DLGAP2: variants seen among roughly 807,000 people sequenced by gnomAD.
DLGAP2 encodes disks large-associated protein 2.
A neutral mutation model predicts 100.3 loss-of-function variants in DLGAP2; 26 were observed. That is an observed-to-expected ratio of 0.26 (90% CI 0.19 to 0.36). The LOEUF (loss-of-function observed/expected upper bound fraction) is 0.36, where lower values mean the gene tolerates loss of function less well. Ranked by LOEUF, DLGAP2 falls within the 10% of genes least tolerant of loss-of-function variation. DLGAP2 has a pLI of 1.00. For missense variants in DLGAP2, 1,858 were observed against 1,453.2 expected (o/e 1.28, Z -4.53); for synonymous variants, 886 against 630.1 (o/e 1.41, Z -6.08).
At chr8:1,640,135 C>T (rs1032065536) in intron 8 of DLGAP2, among the ~76,000 whole-genome samples, 1 of 152,178 alleles carries the variant, frequency 6.6e-6, no homozygotes, top group African/African-American at 2.4e-5. Flanking sequence ...TGACATCCTT[C>T]AGGCACTGAC....
chr8:949,589 C>G (rs930271037), intron 2 of DLGAP2, among the ~76,000 whole-genome samples: 3 of 152,218 alleles, frequency 2.0e-5, no homozygotes, highest in African/African-American at 7.2e-5. Context: ...AGGGCGTGTG[C>G]TCCCCAGGAC....
intron 3 of DLGAP2, among the ~76,000 whole-genome samples, chr8:1,272,389 A>G (rs1471383747): frequency 6.6e-6 from 1 of 152,078 alleles, no homozygotes; most frequent in Non-Finnish European, 1.5e-5. Flanking sequence ...GAAAGTTTTT[A>G]TATATATAGA....
chr8:768,488 G>T (rs1352154095), intron 1 of DLGAP2, among the ~76,000 whole-genome samples: 1 of 136,646 alleles, frequency 7.3e-6, no homozygotes, highest in Non-Finnish European at 1.5e-5. Context: ...GCAGTGGTGT[G>T]ATCTTGGCTC....
chr8:802,281 G>T (rs1030457062), intron 1 of DLGAP2, among the ~76,000 whole-genome samples: 1 of 144,808 alleles, frequency 6.9e-6, no homozygotes, highest in South Asian at 2.2e-4. Flanking sequence ...CCTGGGGAAC[G>T]ATCTGCACCC....
intron 2 of DLGAP2, among the ~76,000 whole-genome samples, chr8:1,150,981 C>T (rs1022426103): frequency 6.6e-6 from 1 of 152,124 alleles, no homozygotes; most frequent in Non-Finnish European, 1.5e-5. Flanking sequence ...TGTTTGCAGG[C>T]ACATGTATGA....
At chr8:1,210,572 A>C (rs1421392839) in intron 2 of DLGAP2, among the ~76,000 whole-genome samples, 1 of 152,192 alleles carries the variant, frequency 6.6e-6, no homozygotes, top group Non-Finnish European at 1.5e-5. Context: ...GGGAGTGTAC[A>C]GAGAAGTTTC....
intron 7 of DLGAP2, among the ~76,000 whole-genome samples, chr8:1,630,138 A>T (rs950045124): frequency 2.0e-5 from 3 of 152,108 alleles, no homozygotes; most frequent in African/African-American, 7.2e-5. Context: ...TTGAATTCTC[A>T]GGAAAAAAAA....
intron 12 of DLGAP2, 32 bp from the exon 13 acceptor site, chr8:1,691,503 T>TA: frequency 1.3e-6 from 2 of 1,585,706 alleles, no homozygotes; most frequent in South Asian, 2.3e-5. Flanking sequence ...TTGAAGTTGT[T>TA]GTTTTTTTGT....
intron 3 of DLGAP2, among the ~76,000 whole-genome samples, chr8:1,373,334 G>A (rs1327919346): frequency 1.3e-5 from 2 of 151,818 alleles, no homozygotes; most frequent in Non-Finnish European, 2.9e-5. Context: ...GGGCCCTTCC[G>A]GAGGCGCCGC....
At chr8:1,113,606 C>T (rs1196043663) in intron 2 of DLGAP2, among the ~76,000 whole-genome samples, 1 of 152,086 alleles carries the variant, frequency 6.6e-6, no homozygotes, top group Non-Finnish European at 1.5e-5. Context: ...TGAGCCAAGA[C>T]TGGGGTTTTC....
intron 2 of DLGAP2, among the ~76,000 whole-genome samples, chr8:955,082 T>C (rs1366421805): frequency 1.3e-5 from 2 of 151,932 alleles, no homozygotes; most frequent in Non-Finnish European, 1.5e-5. Flanking sequence ...TGGCCAATAT[T>C]GATCTCTGTG....
At chr8:1,050,516 G>A (rs999939960) in intron 2 of DLGAP2, among the ~76,000 whole-genome samples, 7 of 152,208 alleles carry the variant, frequency 4.6e-5, no homozygotes, top group Non-Finnish European at 8.8e-5. Flanking sequence ...TTTGACTTAC[G>A]GCATTTTCAG....
At chr8:1,359,690 G>A (rs541170424) in intron 3 of DLGAP2, among the ~76,000 whole-genome samples, 1 of 152,352 alleles carries the variant, frequency 6.6e-6, no homozygotes, top group East Asian at 1.9e-4. Context: ...TCCCACGGTA[G>A]ACGCTGGCCT....
intron 2 of DLGAP2, among the ~76,000 whole-genome samples, chr8:940,862 G>C (rs767383456): frequency 2.2e-4 from 33 of 152,164 alleles, no homozygotes; most frequent in Admixed American, 2.2e-3. Flanking sequence ...GGGAGGAGGG[G>C]AGGAGGCAGT....
At position 1,323,170 on chromosome 8, in the gene DLGAP2, C is replaced by A. The variant is rs562589005; in HGVS notation, c.106+64287C>A. On this transcript the variant is annotated intron_variant, in intron 3 of 14. Coordinates refer to ENST00000637795, the MANE Select transcript of DLGAP2 (RefSeq NM_001346810.2). ...TCAGCCTCCTGAGTAGCTGGGACTA[C>A]AGGCACCAGCCTCCACGCCCGGCTT... Among the ~76,000 whole-genome samples the A allele has an allele frequency of 3.4e-4, 51 of 152,112 alleles. 1 individual carries two copies. Among genetic ancestry groups the A allele is most frequent in the Admixed American group, 3.3e-3 (51 of 15,276 alleles).
At chr8:1,205,810 C>A (rs1409038650) in intron 2 of DLGAP2, among the ~76,000 whole-genome samples, 1 of 152,156 alleles carries the variant, frequency 6.6e-6, no homozygotes, top group Admixed American at 6.5e-5. Context: ...GGACTTCAGT[C>A]CGCCTGAGTG....
rs138784857 is a variant in DLGAP2 at position 1,663,996 on chromosome 8, C to T, written c.1811-4333C>T. 1.6e-3 allele frequency among the ~76,000 whole-genome samples: 250 copies of T among 152,270 alleles called. 2 individuals are homozygous for T. The highest frequency in any genetic ancestry group is 5.8e-3 in the African/African-American group (239 of 41,562). ...GGAGCCTGCAGACCGCTGGGGAAAT[C>T]CAAGTAAAGTTTGCAGTATCCTTAT... On this transcript the variant is annotated intron_variant, in intron 8 of 14. Transcript: ENST00000637795.
chr8:1,690,209 A>C (rs1799222503), intron 12 of DLGAP2, among the ~76,000 whole-genome samples: 2 of 151,950 alleles, frequency 1.3e-5, no homozygotes, highest in African/African-American at 4.8e-5. Context: ...TACAAAAATT[A>C]GCCAGGCATG....
chr8:1,154,134 G>T (rs1796740235), intron 2 of DLGAP2, among the ~76,000 whole-genome samples: 1 of 152,176 alleles, frequency 6.6e-6, no homozygotes, highest in African/African-American at 2.4e-5. Flanking sequence ...TATCAAACCA[G>T]ATGGCTTCAT....
Sources: allele counts gnomAD v4.1 joint callset (sites outside exome capture counted in the v4.1 genomes callset), GRCh38; gene constraint gnomAD v4.1.1; transcripts MANE v1.5; gene names NCBI Gene and HGNC (gene_info 2026-07-23, HGNC 2026-07-21).